Variants in SPAG17 observed in about 807,000 individuals in gnomAD.
SPAG17 encodes the protein sperm-associated antigen 17.
In SPAG17, 169 loss-of-function variants were observed where a neutral mutation model predicts 273.6. That is an observed-to-expected ratio of 0.62 (90% confidence interval 0.55 to 0.70). SPAG17 has a LOEUF of 0.70. SPAG17 is among the 30% of genes least tolerant of loss of function. The pLI, the probability that SPAG17 is intolerant of heterozygous loss-of-function variation, is 0.00. For synonymous variants in SPAG17, 825 were observed against 873.2 expected (o/e 0.94, Z 0.97); for missense variants, 2,557 against 2,627.8 (o/e 0.97, Z 0.59).
intron 37 of SPAG17, 25 bp from the exon 38 acceptor site, chr1:117,990,931 T>G: frequency 7.0e-7 from 1 of 1,425,812 alleles, no homozygotes; most frequent in Non-Finnish European, 9.7e-7. Context: ...GAATTACTTA[T>G]GATGATTATA....
rs1654471170 is a variant in SPAG17 at position 117,970,849 on chromosome 1, G to A, written c.6327-733C>T. 2.6e-5 allele frequency among the ~76,000 whole-genome samples: 4 copies of A among 152,172 alleles called. No homozygotes were observed. In the South Asian group the frequency reaches 8.3e-4, roughly 32 times the overall value. ...GGAGCGACAGGACCCGCACGAATGA[G>A]TTTTATTAGTTCGAGGTTGACTGTC... On this transcript the variant is annotated intron_variant, in intron 45 of 48. Transcript: ENST00000336338.
intron 20 of SPAG17, among the ~76,000 whole-genome samples, chr1:118,050,099 C>A (rs1650830429): frequency 1.3e-5 from 2 of 152,120 alleles, no homozygotes; most frequent in African/African-American, 4.8e-5. Flanking sequence ...AGCATGTGTA[C>A]AACTCTAGAA....
intron 1 of SPAG17, among the ~76,000 whole-genome samples, chr1:118,161,977 A>G (rs2102373824): frequency 6.6e-6 from 1 of 152,304 alleles, no homozygotes; most frequent in South Asian, 2.1e-4. Flanking sequence ...GAGCAGTTCT[A>G]CTTGAGTGAA....
Position 118,082,351 on chromosome 1 carries a change from G to A in SPAG17, c.1763-709C>T, listed in dbSNP as rs567166768. Among the ~76,000 whole-genome samples, 3 of 152,210 alleles carry A rather than the reference G, an allele frequency of 2.0e-5. No homozygotes were observed. In the South Asian group the frequency reaches 6.2e-4, roughly 32 times the overall value. Reference sequence around the variant, plus strand: ...GAAGTAGAATTAACAAATAAACATGGAATTCAATCAGAAAAAAATAAAATG... The same window carrying A: ...GAAGTAGAATTAACAAATAAACATGAAATTCAATCAGAAAAAAATAAAATG... On this transcript the variant is annotated intron_variant, in intron 13 of 48. Coordinates refer to ENST00000336338, the MANE Select transcript of SPAG17 (RefSeq NM_206996.4).
intron 1 of SPAG17, among the ~76,000 whole-genome samples, chr1:118,177,955 A>G (rs1247581750): frequency 1.3e-5 from 2 of 152,180 alleles, no homozygotes; most frequent in Non-Finnish European, 1.5e-5. Context: ...ACCCCAGGAC[A>G]TGACAGCTTC....
chr1:117,997,986 C>A (rs1657846517), intron 32 of SPAG17, among the ~76,000 whole-genome samples: 1 of 152,096 alleles, frequency 6.6e-6, no homozygotes, highest in East Asian at 1.9e-4. Context: ...TTCTCCCATT[C>A]TGTAGGTTGT....
chr1:118,109,119 G>A (rs1259589956), intron 4 of SPAG17, among the ~76,000 whole-genome samples: 2 of 151,614 alleles, frequency 1.3e-5, no homozygotes, highest in African/African-American at 2.4e-5. Context: ...CAGTGAAACT[G>A]ATGATATATA....
At chr1:118,144,400 G>A (rs368542970) in intron 3 of SPAG17, among the ~76,000 whole-genome samples, 25 of 152,258 alleles carry the variant, frequency 1.6e-4, no homozygotes, top group African/African-American at 6.0e-4. Flanking sequence ...ACCGTTTCTA[G>A]CATTACTATT....
At chr1:117,977,857 A>T (rs2101565093) in intron 43 of SPAG17, among the ~76,000 whole-genome samples, 1 of 152,092 alleles carries the variant, frequency 6.6e-6, no homozygotes, top group East Asian at 1.9e-4. Flanking sequence ...CCTTTTATTC[A>T]CTGGTGATTT....
rs770185876 is a variant in SPAG17 at position 118,055,833 on chromosome 1, A to C, written c.2622T>G (p.Asn874Lys). The C allele has an allele frequency of 1.4e-5, 23 of 1,613,036 alleles. No individual in the cohort carries two copies. The highest frequency in any genetic ancestry group is 4.2e-6 in the Non-Finnish European group (5 of 1,179,504). ...EEAIYQESKM[N>K]EKIIRTRAEL... ...CAGCTCTGGTCCTGATGATTTTCTC[A>C]TTCATTTTAGATTCCTGATATATAG... The change falls in exon 19 of 49, where the codon AAT (asparagine) becomes AAG (lysine). Residue 874 changes from asparagine to lysine, a missense_variant. Physicochemically the swap from Asn to Lys is moderately conservative, Grantham distance 94 (BLOSUM62 0). Transcript: ENST00000336338.
At position 118,024,783 on chromosome 1, in the gene SPAG17, G is replaced by A. The variant is rs573779060; in HGVS notation, c.3909+455C>T. 2.7e-4 allele frequency among the ~76,000 whole-genome samples: 41 copies of A among 152,130 alleles called. No homozygotes were observed. The South Asian group carries it at 7.1e-3, about 26-fold the overall frequency. On this transcript the variant is annotated intron_variant, in intron 27 of 48. Transcript: ENST00000336338. ...ATGTTTGTGTTAGAATTCCCATTTC[G>A]ATGTTTAATTTTGCTGCATGTTTTC...
intron 16 of SPAG17, 29 bp from the exon 17 acceptor site, chr1:118,073,996 C>A: frequency 6.7e-7 from 1 of 1,495,936 alleles, no homozygotes; most frequent in Non-Finnish European, 8.9e-7. Flanking sequence ...ACAATTTCAG[C>A]TTTAATTTGT....
rs1156363857 is a variant in SPAG17 at position 118,127,441 on chromosome 1, C to T, written c.316-12000G>A. Reference sequence around the variant, plus strand: ...GATGGGAGTGTGGGGAGGTGCCACACACTTTTAAACCACCCGATCTCATGT... The same window carrying T: ...GATGGGAGTGTGGGGAGGTGCCACATACTTTTAAACCACCCGATCTCATGT... On this transcript the variant is annotated intron_variant, in intron 3 of 48. Coordinates refer to ENST00000336338, the MANE Select transcript of SPAG17 (RefSeq NM_206996.4). Among the ~76,000 whole-genome samples, 13 of 152,104 alleles carry T rather than the reference C, an allele frequency of 8.5e-5. 1 individual carries two copies.
chr1:117,965,027 A>G (rs139466866), intron 47 of SPAG17: 1 of 152,308 alleles, frequency 6.6e-6, no homozygotes, highest in African/African-American at 2.4e-5. Flanking sequence ...TTAAACTGAA[A>G]ATCCTTCCTA....
chr1:118,039,984 A>T (rs1242014422), intron 22 of SPAG17, among the ~76,000 whole-genome samples: 1 of 152,170 alleles, frequency 6.6e-6, no homozygotes. Context: ...GGCTGAGGCA[A>T]TGTATGCCTA....
intron 1 of SPAG17, among the ~76,000 whole-genome samples, chr1:118,175,931 T>C (rs1368993393): frequency 6.6e-6 from 1 of 152,130 alleles, no homozygotes; most frequent in Non-Finnish European, 1.5e-5. Context: ...TGGTAAGAGA[T>C]AGGCAATATT....
At chr1:117,975,315 C>T (rs1183574188) in intron 43 of SPAG17, among the ~76,000 whole-genome samples, 4 of 152,204 alleles carry the variant, frequency 2.6e-5, no homozygotes, top group African/African-American at 9.6e-5. Context: ...CACAGTCACA[C>T]AGCCACTATT....
At chr1:117,988,304 TATAGTTA>T in intron 38 of SPAG17, 100 bp from the exon 39 acceptor site, 1 of 771,526 alleles carries the variant, frequency 1.3e-6, no homozygotes, top group Non-Finnish European at 2.0e-6. Flanking sequence ...TAAGAGCCTA[TATAGTTA>T]ATCTATCAAG....
intron 1 of SPAG17, among the ~76,000 whole-genome samples, chr1:118,181,781 C>A (rs1570842336): frequency 6.6e-6 from 1 of 152,070 alleles, no homozygotes; most frequent in Admixed American, 6.6e-5. Context: ...GGTGGGAATG[C>A]AAAATGATGT....
Sources: gnomAD v4.1 joint callset for allele counts (sites outside exome capture counted in the v4.1 genomes callset) on GRCh38, gnomAD v4.1.1 for gene constraint, MANE v1.5 for transcripts, NCBI Gene and HGNC (gene_info 2026-07-23, HGNC 2026-07-21) for gene names.